Variants in ZNF431 observed in about 807,000 individuals in gnomAD.
The protein encoded by ZNF431 is zinc finger protein 431.
In ZNF431, 34 loss-of-function variants were observed where a neutral mutation model predicts 57.0. That is an observed-to-expected ratio of 0.60 (90% CI 0.45 to 0.79). The LOEUF (loss-of-function observed/expected upper bound fraction) is 0.79. Ranked by LOEUF, ZNF431 falls within the 30% of genes least tolerant of loss-of-function variation. The probability of loss-of-function intolerance (pLI) is 0.00; values close to 1 mark genes in which losing one functional copy is unlikely to be tolerated. For missense variants in ZNF431, 607 were observed against 667.1 expected, an observed-to-expected ratio of 0.91 and a Z score of 0.99; for synonymous variants, 207 against 220.3, an observed-to-expected ratio of 0.94 and a Z score of 0.54.
chr19:21,152,790 A>G (rs762654616), intron 2 of ZNF431, among the ~76,000 whole-genome samples: 41 of 152,256 alleles, frequency 2.7e-4, no homozygotes, highest in Non-Finnish European at 5.3e-4. Flanking sequence ...ATTGGTGCAC[A>G]CAGATGATTT....
At chr19:21,168,847 A>G (rs1303112495) in intron 4 of ZNF431, among the ~76,000 whole-genome samples, 2 of 152,146 alleles carry the variant, frequency 1.3e-5, no homozygotes, top group African/African-American at 4.8e-5. Flanking sequence ...GTATGGAACC[A>G]TAACTTTATG....
chr19:21,159,621 T>G (rs1318069285), intron 2 of ZNF431, among the ~76,000 whole-genome samples: 1 of 152,148 alleles, frequency 6.6e-6, no homozygotes, highest in African/African-American at 2.4e-5. Flanking sequence ...TCTGCCCACC[T>G]CAGCCTTTCA....
At chr19:21,144,380 T>G (rs1970026060) in intron 2 of ZNF431, among the ~76,000 whole-genome samples, 1 of 151,922 alleles carries the variant, frequency 6.6e-6, no homozygotes, top group South Asian at 2.1e-4. Flanking sequence ...TTGTATTTTT[T>G]TTTAGTAGAG....
chr19:21,155,948 A>G lies in ZNF431; in HGVS notation c.97-10387A>G, dbSNP rs571429377. On this transcript the variant is annotated intron_variant, in intron 2 of 4. Coordinates refer to ENST00000311048, the MANE Select transcript of ZNF431 (RefSeq NM_133473.4). ...ATCCCAGGGCTCCTGCCAGGATTGA[A>G]GAGGATGAAAACTTCAAGGAAAGGA... 1.2e-4 allele frequency among the ~76,000 whole-genome samples: 18 copies of G among 152,218 alleles called. 1 individual carries two copies. Among genetic ancestry groups the G allele is most frequent in the Admixed American group, 1.2e-3 (18 of 15,288 alleles).
intron 4 of ZNF431, chr19:21,175,331 ATTATTT>A: frequency 1.5e-6 from 1 of 652,426 alleles, no homozygotes; most frequent in South Asian, 1.8e-5. Flanking sequence ...CTGAGATTAC[ATTATTT>A]TTATTAAGTA....
intron 2 of ZNF431, among the ~76,000 whole-genome samples, chr19:21,159,406 C>T (rs1249770514): frequency 6.6e-6 from 1 of 151,918 alleles, no homozygotes; most frequent in Non-Finnish European, 1.5e-5. Context: ...CGGAGTCTCA[C>T]TCTGTTGCCA....
intron 4 of ZNF431, among the ~76,000 whole-genome samples, chr19:21,176,504 A>G (rs549182641): frequency 5.3e-5 from 8 of 151,798 alleles, no homozygotes; most frequent in Admixed American, 4.6e-4. Context: ...CGGCCTCCCA[A>G]AGTGCTGGGA....
chr19:21,143,170 T>C (rs1039923822), intron 1 of ZNF431, among the ~76,000 whole-genome samples: 12 of 152,232 alleles, frequency 7.9e-5, no homozygotes, highest in Admixed American at 2.0e-4. Context: ...AGTGTACTTT[T>C]CTATACCGTA....
intron 2 of ZNF431, among the ~76,000 whole-genome samples, chr19:21,144,713 A>G (rs1190359567): frequency 6.6e-6 from 1 of 152,168 alleles, no homozygotes; most frequent in East Asian, 1.9e-4. Flanking sequence ...GCTACCAAGG[A>G]AAAGAATAGG....
Position 21,179,748 on chromosome 19 carries a change from C to T in ZNF431, c.320-2875C>T, listed in dbSNP as rs370272210. Among the ~76,000 whole-genome samples the T allele has an allele frequency of 9.5e-4, 145 of 151,864 alleles. No individual in the cohort carries two copies. The South Asian group carries it at 0.01, about 11-fold the overall frequency. On this transcript the variant is annotated intron_variant, in intron 4 of 4. Transcript: ENST00000311048. ...CTAATTTTTATATTTTTAGTAGAGA[C>T]GGGGTTTCACCATATTGGTCAGGCT...
At position 21,189,723 on chromosome 19, in the gene ZNF431, A is replaced by G. The variant is rs767477582; in HGVS notation, c.*5689A>G. 13 of 391,656 alleles carry G rather than the reference A, an allele frequency of 3.3e-5. No individual in the cohort carries two copies. Among genetic ancestry groups the G allele is most frequent in the Non-Finnish European group, 5.4e-5 (12 of 222,364 alleles). 24.3% of individuals were successfully genotyped at this position (391,656 alleles called of 1,614,324 possible). ...GGTCACCATTTTACTCTCTACATCA[A>G]TGGGATTAAGTTTTTTGGAATCCAT... On this transcript the variant is annotated 3_prime_UTR_variant, in exon 5 of 5. Coordinates refer to ENST00000311048, the MANE Select transcript of ZNF431 (RefSeq NM_133473.4).
chr19:21,153,485 T>C (rs1253384139), intron 2 of ZNF431, among the ~76,000 whole-genome samples: 1 of 152,258 alleles, frequency 6.6e-6, no homozygotes, highest in East Asian at 1.9e-4. Flanking sequence ...CCATAAACTA[T>C]TTCTAGAGAA....
intron 2 of ZNF431, among the ~76,000 whole-genome samples, chr19:21,152,827 A>T (rs889337837): frequency 6.6e-6 from 1 of 152,206 alleles, no homozygotes; most frequent in African/African-American, 2.4e-5. Flanking sequence ...TCTCTTAAGT[A>T]TAGTCCCTTT....
chr19:21,159,143 A>G (rs1001834789), intron 2 of ZNF431, among the ~76,000 whole-genome samples: 16 of 152,024 alleles, frequency 1.1e-4, no homozygotes, highest in African/African-American at 3.6e-4. Flanking sequence ...TGTTGAAAAA[A>G]CCTTGCATAC....
intron 2 of ZNF431, among the ~76,000 whole-genome samples, chr19:21,152,762 C>A (rs926559209): frequency 6.6e-6 from 1 of 152,170 alleles, no homozygotes; most frequent in Non-Finnish European, 1.5e-5. Context: ...ATGCACACCA[C>A]TCACCCAAAG....
At chr19:21,161,805 C>G (rs539113708) in intron 2 of ZNF431, among the ~76,000 whole-genome samples, 1 of 152,010 alleles carries the variant, frequency 6.6e-6, no homozygotes, top group Non-Finnish European at 1.5e-5. Context: ...AGGCTTGCAC[C>G]ACCATGCCTG....
At chr19:21,142,251 C>T in intron 1 of ZNF431, 65 bp downstream of exon 1, 1 of 1,609,624 alleles carries the variant, frequency 6.2e-7, no homozygotes, top group Non-Finnish European at 8.5e-7. Context: ...TGGGAAGTGG[C>T]TGTGGCGGGA....
At chr19:21,175,421 TA>T in intron 4 of ZNF431, 1 of 696,948 alleles carries the variant, frequency 1.4e-6, no homozygotes, top group Non-Finnish European at 2.6e-6. Context: ...GTTCTTTTTT[TA>T]AGTTTAATTT....
intron 2 of ZNF431, among the ~76,000 whole-genome samples, chr19:21,143,983 C>T (rs900915344): frequency 1.3e-5 from 2 of 151,600 alleles, no homozygotes; most frequent in Non-Finnish European, 2.9e-5. Context: ...GCAGTGTCTC[C>T]TGTATGGGTG....
Sources: gnomAD v4.1 joint callset for allele counts (sites outside exome capture counted in the v4.1 genomes callset) on GRCh38, gnomAD v4.1.1 for gene constraint, MANE v1.5 for transcripts, NCBI Gene and HGNC (gene_info 2026-07-23, HGNC 2026-07-21) for gene names.